PRR27: variants seen among roughly 807,000 people sequenced by gnomAD.
PRR27 encodes proline rich 27.
Under a neutral mutation model 16.8 loss-of-function variants are expected in PRR27, and 12 were observed. The ratio of observed to expected loss-of-function variants is 0.71; its 90% CI spans 0.46 to 1.16. The LOEUF (loss-of-function observed/expected upper bound fraction) is 1.16, where lower values mean the gene tolerates loss of function less well. PRR27 is among the 50% of genes most tolerant of loss of function. The pLI is 0.00. For missense variants in PRR27, 277 were observed against 273.3 expected (o/e 1.01, Z -0.10); for synonymous variants, 100 against 98.4 (o/e 1.02, Z -0.10).
intron 3 of PRR27, among the ~76,000 whole-genome samples, chr4:70,160,771 A>T (rs2109793730): frequency 6.6e-6 from 1 of 152,002 alleles, no homozygotes; most frequent in Admixed American, 6.6e-5. Flanking sequence ...AGAAGCAGCT[A>T]GTCCCTAAAT....
intron 4 of PRR27, among the ~76,000 whole-genome samples, chr4:70,162,198 A>G (rs1207233030): frequency 1.3e-5 from 2 of 152,166 alleles, no homozygotes; most frequent in Non-Finnish European, 2.9e-5. Flanking sequence ...CTTCTCCTTC[A>G]TCCCTTCTCA....
rs901035589 is a variant in PRR27, at chr4:70,165,978, C to A, written c.*3317C>A. On this transcript the variant is annotated 3_prime_UTR_variant, in exon 5 of 5. Coordinates refer to ENST00000344526, the MANE Select transcript of PRR27 (RefSeq NM_214711.4). The stretch of plus-strand genomic sequence containing the variant: ...GAGGTATAAGTTTGTGTGTATAATT[C>A]CCTGGCTTTTTTCTAAAATTTTAGT... The A allele has an allele frequency of 6.6e-6, 1 of 151,940 alleles. No individual in the cohort carries two copies. The highest frequency in any genetic ancestry group is 1.5e-5 in the Non-Finnish European group (1 of 67,938). The allele number at this position is 151,940 out of a possible 1,614,324, so 9.4% of individuals were successfully genotyped here.
At chr4:70,160,146 G>A (rs1018571390) in intron 3 of PRR27, among the ~76,000 whole-genome samples, 15 of 152,024 alleles carry the variant, frequency 9.9e-5, no homozygotes, top group Non-Finnish European at 1.9e-4. Context: ...CTTCTCCCTG[G>A]TAGTGAGCAC....
intron 3 of PRR27, among the ~76,000 whole-genome samples, chr4:70,159,672 G>A (rs1321317787): frequency 6.6e-6 from 1 of 152,108 alleles, no homozygotes; most frequent in Non-Finnish European, 1.5e-5. Flanking sequence ...ATGTGTATAT[G>A]TAGTACACAC....
At position 70,156,296 on chromosome 4, in the gene PRR27, C is replaced by G. The variant is rs955704177; in HGVS notation, c.75+219C>G. Among the ~76,000 whole-genome samples, 6 of 152,148 alleles carry G rather than the reference C, an allele frequency of 3.9e-5. 1 individual carries two copies. The highest frequency in any genetic ancestry group is 1.4e-4 in the African/African-American group (6 of 41,434). On this transcript the variant is annotated intron_variant, in intron 2 of 4. Transcript: ENST00000344526. The stretch of plus-strand genomic sequence containing the variant: ...AAAGGTCTTTAGTCTTTTTAATGAG[C>G]AAAAGCATTAAGTGCACTCCCTTTG...
chr4:70,160,409 T>TTCTCTCTCTCTCTCTC (rs149182032), intron 3 of PRR27, among the ~76,000 whole-genome samples: 2 of 106,160 alleles, frequency 1.9e-5, no homozygotes, highest in African/African-American at 3.8e-5. Flanking sequence ...TTCTGGGACT[T>TTCTCTCTCTCTCTCTC]TCTCTCTCTC....
rs1218635196 is a variant in PRR27, at chr4:70,163,946, T to C, written c.*1285T>C. On this transcript the variant is annotated 3_prime_UTR_variant, in exon 5 of 5. Transcript: ENST00000344526. ...TGATCTTATCCAAGAACCTTTGCCC[T>C]GATGTATGAATGACTAACTGCTTTT... 1 of 151,718 alleles carries C rather than the reference T, an allele frequency of 6.6e-6. No individual in the cohort carries two copies. Among genetic ancestry groups the C allele is most frequent in the East Asian group, 1.9e-4 (1 of 5,140 alleles). The allele number at this position is 151,718 out of a possible 1,614,324, so 9.4% of individuals were successfully genotyped here.
At position 70,163,346 on chromosome 4, in the gene PRR27, ACACTGTTGCACGGCTGTAGTG is replaced by A. The variant is rs993651000; in HGVS notation, c.*688_*708del. 7.4e-6 allele frequency: 1 copy of A among 135,232 alleles called. No individual in the cohort carries two copies. The highest frequency in any genetic ancestry group is 1.5e-5 in the Non-Finnish European group (1 of 65,412). 8.4% of individuals were successfully genotyped at this position (135,232 alleles called of 1,614,324 possible). A position where few individuals can be genotyped will look rare whatever the true frequency, so the allele number is the denominator to read the frequency against. ...TTTTTTTTTTTTGAGACGAAGTCTC[ACACTGTTGCACGGCTGTAGTG>A]CAATGGTGCCAACTCAGCTCACTGC... On this transcript the variant is annotated 3_prime_UTR_variant, in exon 5 of 5. Transcript: ENST00000344526.
At chr4:70,161,156 G>GTGTATATATA (rs1553902896) in intron 3 of PRR27, among the ~76,000 whole-genome samples, 2 of 93,922 alleles carry the variant, frequency 2.1e-5, no homozygotes, top group Admixed American at 1.3e-4. Flanking sequence ...TATGAACACT[G>GTGTATATATA]TATATATATA....
chr4:70,154,489 A>AT, intron 1 of PRR27, 63 bp downstream of exon 1: 2 of 1,249,240 alleles, frequency 1.6e-6, no homozygotes, highest in Middle Eastern at 2.0e-4. Context: ...GTTTATAGGC[A>AT]TTTGTGCTTA....
At position 70,166,112 on chromosome 4, in the gene PRR27, C is replaced by G. The variant is rs1237047025; in HGVS notation, c.*3451C>G. ...GTCATTTCACAATTTACTATTTTTA[C>G]TCAACATTTATATTTCTGAGACTTT... On this transcript the variant is annotated 3_prime_UTR_variant, in exon 5 of 5. Transcript: ENST00000344526. 6.6e-6 allele frequency: 1 copy of G among 151,954 alleles called. No individual in the cohort carries two copies. The highest frequency in any genetic ancestry group is 6.6e-5 in the Admixed American group (1 of 15,244). The allele number at this position is 151,954 out of a possible 1,614,324, so 9.4% of individuals were successfully genotyped here.
At position 70,158,308 on chromosome 4, in the gene PRR27, CTTCT is replaced by C. The variant is rs1728538613; in HGVS notation, c.76-17_76-14del. ...ACAGGACAAATACAATCAACTTCGACTTCTTTGTTTCTCCTTTAGGATGACAATG... is the reference window on the plus strand; with the variant it reads ...ACAGGACAAATACAATCAACTTCGACTTGTTTCTCCTTTAGGATGACAATG... On this transcript the variant is annotated splice_polypyrimidine_tract_variant and intron_variant, in intron 2 of 4. Transcript: ENST00000344526. The C allele has an allele frequency of 1.9e-6, 3 of 1,540,382 alleles. No homozygotes were observed. The highest frequency in any genetic ancestry group is 1.7e-5 in the Admixed American group (1 of 58,672).
At chr4:70,159,037 C>G in intron 3 of PRR27, 137 bp downstream of exon 3, 1 of 745,284 alleles carries the variant, frequency 1.3e-6, no homozygotes, top group Non-Finnish European at 2.2e-6. Flanking sequence ...AATTGACATA[C>G]CACAAACTAC....
chr4:70,157,365 A>G (rs1560468853), intron 2 of PRR27, among the ~76,000 whole-genome samples: 2 of 151,570 alleles, frequency 1.3e-5, no homozygotes, highest in Non-Finnish European at 2.9e-5. Flanking sequence ...ACTTCCATCA[A>G]GAAAAACCTT....
At chr4:70,161,073 C>T (rs1728634237) in intron 3 of PRR27, among the ~76,000 whole-genome samples, 1 of 150,290 alleles carries the variant, frequency 6.7e-6, no homozygotes, top group Non-Finnish European at 1.5e-5. Flanking sequence ...TTCTCCAATG[C>T]TTCCAATGCT....
intron 1 of PRR27, among the ~76,000 whole-genome samples, chr4:70,155,717 C>G (rs1728461455): frequency 6.9e-6 from 1 of 145,046 alleles, no homozygotes; most frequent in African/African-American, 2.5e-5. Flanking sequence ...ACACACACAC[C>G]AGACAAAACC....
chr4:70,159,835 A>G (rs1160643483), intron 3 of PRR27, among the ~76,000 whole-genome samples: 1 of 152,150 alleles, frequency 6.6e-6, no homozygotes, highest in Non-Finnish European at 1.5e-5. Flanking sequence ...CTGAGTGCTC[A>G]AACTTATGTC....
chr4:70,162,994 A>G lies in PRR27; in HGVS notation c.*333A>G, dbSNP rs1317639872. ...TAGGATGATGTTAGTATTGGTTTTG[A>G]GTGCAATAGGTTTTTTCCTAAACAA... On this transcript the variant is annotated 3_prime_UTR_variant, in exon 5 of 5. Transcript: ENST00000344526. 1 of 152,178 alleles carries G rather than the reference A, an allele frequency of 6.6e-6. No individual in the cohort carries two copies. 9.4% of individuals were successfully genotyped at this position (152,178 alleles called of 1,614,324 possible). A position where few individuals can be genotyped will look rare whatever the true frequency, so the allele number is the denominator to read the frequency against.
chr4:70,158,646 G>A lies in PRR27; in HGVS notation c.394G>A (p.Glu132Lys). The change falls in exon 3 of 5, where the codon GAG (glutamate) becomes AAG (lysine). Residue 132 changes from glutamate (E) to lysine (K), a missense_variant. Physicochemically the swap from Glu to Lys is moderately conservative, Grantham distance 56. Transcript: ENST00000344526. ...ACCCGCTGCCCCACCTATTGCAGCT[G>A]AGCCTGCTGCAGCTGCACCTCTTAC... ...AAPAAPPIAA[E>K]PAAAAPLTAT... The A allele has an allele frequency of 1.2e-6, 2 of 1,613,970 alleles. No homozygotes were observed. The highest frequency in any genetic ancestry group is 1.7e-6 in the Non-Finnish European group (2 of 1,179,974).
Sources: allele counts gnomAD v4.1 joint callset (sites outside exome capture counted in the v4.1 genomes callset), GRCh38; gene constraint gnomAD v4.1.1; transcripts MANE v1.5; gene names NCBI Gene and HGNC (gene_info 2026-07-23, HGNC 2026-07-21).